The following CPS1 variants were observed in gnomAD, a reference collection of about 807,000 sequenced individuals.
CPS1 encodes the protein carbamoyl-phosphate synthase 1, also known as carbamoyl-phosphate synthase [ammonia], mitochondrial.
Under a neutral mutation model 174.6 loss-of-function variants are expected in CPS1, and 109 were observed. The ratio of observed to expected loss-of-function variants is 0.62; its 90% CI spans 0.53 to 0.73. CPS1 has a LOEUF of 0.73. CPS1 is among the 30% of genes least tolerant of loss of function. CPS1 has a pLI of 0.00. For missense variants in CPS1, 1,689 were observed against 1,821.9 expected (o/e 0.93, Z 1.33); for synonymous variants, 637 against 632.0 (o/e 1.01, Z -0.12).
At chr2:210,543,818 TTGAA>T (rs1270722065) in intron 1 of CPS1, among the ~76,000 whole-genome samples, 3 of 152,074 alleles carry the variant, frequency 2.0e-5, no homozygotes, top group African/African-American at 7.2e-5. Flanking sequence ...ACTCAACTTG[TTGAA>T]TGAATAAATA....
At chr2:210,676,979 G>T in intron 36 of CPS1, 28 bp from the exon 37 acceptor site, 1 of 1,608,324 alleles carries the variant, frequency 6.2e-7, no homozygotes. Context: ...ATGCCTTGTT[G>T]TCTATAAGTT....
chr2:210,548,881 G>A (rs191016605), intron 1 of CPS1, among the ~76,000 whole-genome samples: 2 of 152,074 alleles, frequency 1.3e-5, no homozygotes, highest in Admixed American at 1.3e-4. Context: ...TGAAAGCACG[G>A]GTCCTATTTC....
intron 1 of CPS1, among the ~76,000 whole-genome samples, chr2:210,512,659 A>G (rs983013497): frequency 6.7e-6 from 1 of 148,192 alleles, no homozygotes; most frequent in African/African-American, 2.5e-5. Flanking sequence ...GAGTGCTGCA[A>G]TGAACATGTG....
intron 1 of CPS1, among the ~76,000 whole-genome samples, chr2:210,569,475 C>T (rs1212778733): frequency 6.6e-6 from 1 of 152,046 alleles, no homozygotes; most frequent in Non-Finnish European, 1.5e-5. Flanking sequence ...AAAGCTTAAT[C>T]TCTCAAGGGA....
At chr2:210,576,946 A>G (rs1313111983) in intron 3 of CPS1, among the ~76,000 whole-genome samples, 1 of 152,184 alleles carries the variant, frequency 6.6e-6, no homozygotes, top group African/African-American at 2.4e-5. Flanking sequence ...AGGAATATAT[A>G]TCATATAAAC....
chr2:210,516,708 C>G (rs952281170), intron 1 of CPS1, among the ~76,000 whole-genome samples: 3 of 151,890 alleles, frequency 2.0e-5, no homozygotes, highest in African/African-American at 7.2e-5. Context: ...ATGCAGTGCT[C>G]CACATGGGCT....
At chr2:210,542,542 C>T (rs1005479574) in intron 1 of CPS1, among the ~76,000 whole-genome samples, 4 of 152,090 alleles carry the variant, frequency 2.6e-5, no homozygotes, top group African/African-American at 9.6e-5. Flanking sequence ...AGGGTGCAAA[C>T]GTCCCCCCTC....
Position 210,606,950 on chromosome 2 carries a change from A to G in CPS1, c.2192+9A>G. The G allele has an allele frequency of 6.2e-7, 1 of 1,608,072 alleles. No individual in the cohort carries two copies. Among genetic ancestry groups the G allele is most frequent in the Non-Finnish European group, 8.5e-7 (1 of 1,175,692 alleles). On this transcript the variant is annotated intron_variant, in intron 18 of 37. Transcript: ENST00000233072. ...GCCTCAAAAGCCACTGGGTAAGACC[A>G]GAATAATTGACCATGGGTTTGCAGA...
At chr2:210,520,426 C>T (rs1695790125) in intron 1 of CPS1, among the ~76,000 whole-genome samples, 1 of 151,972 alleles carries the variant, frequency 6.6e-6, no homozygotes, top group African/African-American at 2.4e-5. Flanking sequence ...TTAAGCCCCA[C>T]ATGCATTAGT....
In CPS1 at chr2:210,605,103, C is replaced by T. The variant is rs776214638; in HGVS notation, c.1838C>T (p.Ala613Val). 6 of 1,611,764 alleles carry T rather than the reference C, an allele frequency of 3.7e-6. No individual in the cohort carries two copies. Among genetic ancestry groups the T allele is most frequent in the Admixed American group, 1.7e-5 (1 of 59,802 alleles). The change falls in exon 17 of 38, where the codon GCC becomes GTC. Residue 613 changes from alanine (A) to valine (V), a missense_variant and splice_region_variant. By Grantham distance (64) the Ala-to-Val change is moderately conservative. Coordinates refer to ENST00000233072, the MANE Select transcript of CPS1 (RefSeq NM_001875.5). ...ATATCTTTTGTCACCAATTTCTAGG[C>T]CTTTGCTATGACCAACCAAATTCTG... is the stretch of plus-strand genomic sequence containing the variant. Reference protein sequence around the residue: ...RETLMDLSTKAFAMTNQILVE... With the variant: ...RETLMDLSTKVFAMTNQILVE...
rs2105908814 is a variant in CPS1, at chr2:210,648,500, G to A, written c.3364G>A (p.Val1122Met). ...TGAAGCACTGGAATTTGCAAAGTCT[G>A]TGGACTACCCCTGCTTGTTGAGGCC... ...LNEALEFAKS[V>M]DYPCLLRPSY... The change falls in exon 27 of 38, where the codon GTG becomes ATG. Residue 1122 changes from valine to methionine, a missense_variant. Physicochemically the swap from Val to Met is conservative, Grantham distance 21 (BLOSUM62 1). Transcript: ENST00000233072. 1.2e-6 allele frequency: 2 copies of A among 1,613,588 alleles called. No individual in the cohort carries two copies. Among genetic ancestry groups the A allele is most frequent in the Middle Eastern group, 1.7e-4 (1 of 6,058 alleles).
Position 210,590,197 on chromosome 2 carries a change from C to G in CPS1, c.803C>G (p.Pro268Arg), listed in dbSNP as rs1698246229. The G allele has an allele frequency of 3.7e-6, 6 of 1,612,730 alleles. No individual in the cohort carries two copies. The South Asian group carries it at 5.5e-5, about 15-fold the overall frequency. ...GILIAGGPGN[P>R]ALAEPLIQNV... ...TTGATCGCGGGAGGACCGGGGAACC[C>G]AGCTCTTGCAGAACCACTAATTCAG... The change falls in exon 8 of 38, where the codon CCA becomes CGA. Residue 268 changes from proline (P) to arginine (R), a missense_variant. Pro to Arg is a moderately radical substitution (Grantham distance 103). Transcript: ENST00000233072.
chr2:210,641,380 C>T (rs1191075826), intron 24 of CPS1, among the ~76,000 whole-genome samples: 6 of 152,136 alleles, frequency 3.9e-5, no homozygotes, highest in Non-Finnish European at 7.4e-5. Flanking sequence ...CCTGCCTCAG[C>T]CTCCCAAAGT....
intron 12 of CPS1, among the ~76,000 whole-genome samples, chr2:210,595,247 A>C (rs1698446738): frequency 1.3e-5 from 2 of 151,728 alleles, no homozygotes; most frequent in South Asian, 4.1e-4. Context: ...TAAAATGTAA[A>C]CCTCTGCCAA....
intron 21 of CPS1, among the ~76,000 whole-genome samples, chr2:210,621,806 G>T (rs1295826367): frequency 6.6e-6 from 1 of 152,122 alleles, no homozygotes; most frequent in East Asian, 1.9e-4. Context: ...ACTGAAACTT[G>T]AATTTTGATT....
Position 210,622,766 on chromosome 2 carries a change from T to TA in CPS1, c.2687+6239dup, listed in dbSNP as rs36066680. Among the ~76,000 whole-genome samples, 958 of 138,850 alleles carry TA rather than the reference T, an allele frequency of 6.9e-3. 11 individuals are homozygous for TA. The highest frequency in any genetic ancestry group is 0.061 in the Middle Eastern group (17 of 278). The allele number at this position is 138,850 out of a possible 152,430, so 91.1% of individuals were successfully genotyped here. On this transcript the variant is annotated intron_variant, in intron 21 of 37. Transcript: ENST00000233072. ...TATATTGAAAGACAATCATGATACTTAAAAAAAAAAAAAAGACACATGAAC... is the reference window on the plus strand; with the variant it reads ...TATATTGAAAGACAATCATGATACTTAAAAAAAAAAAAAAAGACACATGAAC...
At chr2:210,670,264 T>C (rs1422224357) in intron 34 of CPS1, among the ~76,000 whole-genome samples, 1 of 152,134 alleles carries the variant, frequency 6.6e-6, no homozygotes, top group Non-Finnish European at 1.5e-5. Context: ...TAAGAAAATA[T>C]TTACAGCCAT....
At chr2:210,521,436 G>A (rs1459220783) in intron 1 of CPS1, among the ~76,000 whole-genome samples, 1 of 151,672 alleles carries the variant, frequency 6.6e-6, no homozygotes, top group Non-Finnish European at 1.5e-5. Flanking sequence ...GGATCATTGA[G>A]CTTGCTTCTA....
chr2:210,507,227 A>AT (rs1475231647), intron 1 of CPS1, among the ~76,000 whole-genome samples: 1 of 152,254 alleles, frequency 6.6e-6, no homozygotes, highest in Non-Finnish European at 1.5e-5. Context: ...AATATTCAAC[A>AT]TTCTTAAAGA....
Sources: allele counts gnomAD v4.1 joint callset (sites outside exome capture counted in the v4.1 genomes callset), GRCh38; gene constraint gnomAD v4.1.1; transcripts MANE v1.5; gene names NCBI Gene and HGNC (gene_info 2026-07-23, HGNC 2026-07-21).